KDM6A: variants seen among roughly 807,000 people sequenced by gnomAD.
KDM6A encodes the protein lysine demethylase 6A.
KDM6A carries 11 observed loss-of-function variants against 117.6 expected under a neutral mutation model. The observed-to-expected ratio is 0.09, with a 90% CI of 0.06 to 0.15. The LOEUF is 0.15. KDM6A is among the 10% of genes least tolerant of loss of function. The pLI, the probability that KDM6A is intolerant of heterozygous loss-of-function variation, is 1.00. For synonymous variants in KDM6A, 384 were observed against 396.1 expected (o/e 0.97, Z 0.36); for missense variants, 799 against 1,077.3 (o/e 0.74, Z 3.62).
intron 4 of KDM6A, among the ~76,000 whole-genome samples, chrX:44,998,150 G>C (rs1207350411): frequency 2.7e-5 from 3 of 111,782 alleles, no homozygotes; most frequent in African/African-American, 9.8e-5. Context: ...GAAATGGAGA[G>C]AGAGCCTACA....
chrX:44,883,993 T>C (rs1218808357), intron 2 of KDM6A, among the ~76,000 whole-genome samples: 1 of 106,895 alleles, frequency 9.4e-6, no homozygotes, highest in Non-Finnish European at 1.9e-5. Context: ...TTCCAGCTAC[T>C]TGGGAGGCTG....
At chrX:44,920,599 T>C (rs1488227635) in intron 2 of KDM6A, among the ~76,000 whole-genome samples, 3 of 107,759 alleles carry the variant, frequency 2.8e-5, no homozygotes, top group Non-Finnish European at 3.9e-5. Flanking sequence ...TCACCACGCC[T>C]GGCTAATTTT....
At chrX:44,972,117 G>A (rs2039378119) in intron 3 of KDM6A, among the ~76,000 whole-genome samples, 1 of 111,379 alleles carries the variant, frequency 9.0e-6, no homozygotes, top group Non-Finnish European at 1.9e-5. Flanking sequence ...AAACAACTTG[G>A]TCACTAGTGA....
chrX:45,033,259 T>C (rs909830322), intron 6 of KDM6A, among the ~76,000 whole-genome samples: 3 of 112,240 alleles, frequency 2.7e-5, no homozygotes, highest in Non-Finnish European at 5.6e-5. Flanking sequence ...TTTAAAATAG[T>C]CTGTTCTCTA....
intron 3 of KDM6A, among the ~76,000 whole-genome samples, chrX:44,963,483 G>GTGTGTCTGTCTGTCTGTCTGTC (rs1481840859): frequency 4.9e-5 from 2 of 40,884 alleles, no homozygotes; most frequent in African/African-American, 1.5e-4. Context: ...GTGTGTGTGT[G>GTGTGTCTGTCTGTCTGTCTGTC]TGTCTGTCTG....
intron 27 of KDM6A, among the ~76,000 whole-genome samples, chrX:45,096,334 C>T (rs926798346): frequency 8.9e-6 from 1 of 111,753 alleles, no homozygotes; most frequent in Non-Finnish European, 1.9e-5. Context: ...CTCAGCTCTA[C>T]CCAGTTCTTT....
intron 28 of KDM6A, among the ~76,000 whole-genome samples, chrX:45,107,779 C>T (rs937214365): frequency 2.7e-5 from 3 of 111,678 alleles, no homozygotes; most frequent in African/African-American, 9.8e-5. Flanking sequence ...AGATCTTCAA[C>T]AGACAATAAT....
chrX:45,037,361 CAT>C (rs1250669841), intron 7 of KDM6A, among the ~76,000 whole-genome samples: 1 of 111,982 alleles, frequency 8.9e-6, no homozygotes, highest in Non-Finnish European at 1.9e-5. Context: ...CTTTGTAAAA[CAT>C]ATATTCACTT....
chrX:45,078,258 G>A (rs2045225734), intron 19 of KDM6A, 142 bp from the exon 20 acceptor site: 1 of 552,377 alleles, frequency 1.8e-6, no homozygotes, highest in Non-Finnish European at 2.9e-6. Context: ...AAGTCACAGT[G>A]ATAAGATACT....
intron 2 of KDM6A, among the ~76,000 whole-genome samples, chrX:44,890,642 CTTTTTTTT>C (rs761568154): frequency 8.6e-5 from 3 of 34,765 alleles, no homozygotes; most frequent in African/African-American, 4.0e-4. Flanking sequence ...TGATGTTGAA[CTTTTTTTT>C]TTTTTTTTTT....
intron 2 of KDM6A, among the ~76,000 whole-genome samples, chrX:44,917,734 C>T (rs187212388): frequency 1.7e-4 from 19 of 111,969 alleles, no homozygotes; most frequent in African/African-American, 5.8e-4. Context: ...AGTGGCTTTA[C>T]TAAGATCTCA....
At position 45,031,023 on chromosome X, in the gene KDM6A, G is replaced by A. The variant is rs747241606; in HGVS notation, c.565-3908G>A. On this transcript the variant is annotated intron_variant, in intron 6 of 29. Coordinates refer to ENST00000611820, the MANE Select transcript of KDM6A (RefSeq NM_001291415.2). ...AATTCATAATTTTAGAAATGTGGCA[G>A]TCTGTAACAATGAATAAGAAAAAAA... 7.1e-5 allele frequency among the ~76,000 whole-genome samples: 8 copies of A among 112,302 alleles called. No individual in the cohort carries two copies. In the South Asian group the frequency reaches 2.9e-3, roughly 41 times the overall value.
Position 44,873,595 on chromosome X carries a change from C to T in KDM6A, c.44C>T (p.Ala15Val). The stretch of plus-strand genomic sequence containing the variant: ...TCGCTCGCTACCGCCGCCGCTGCCG[C>T]CGCCGCTTTCGGTGATGAGGAAAAG... ...GVSLATAAAA[A>V]AAFGDEEKKM... is the part of the protein sequence containing the mutation. Residue 15 changes from alanine to valine, a missense_variant, in exon 1 of 30, where the codon GCC (alanine) becomes GTC (valine). By Grantham distance (64) the Ala-to-Val change is moderately conservative. Coordinates refer to ENST00000611820, the MANE Select transcript of KDM6A (RefSeq NM_001291415.2). 1.7e-6 allele frequency: 2 copies of T among 1,206,213 alleles called. No individual in the cohort carries two copies. Among genetic ancestry groups the T allele is most frequent in the East Asian group, 3.0e-5 (1 of 33,630 alleles).
In KDM6A at chrX:45,067,852, A is replaced by G. The variant is rs561681799; in HGVS notation, c.2080-1727A>G. On this transcript the variant is annotated intron_variant, in intron 17 of 29. Coordinates refer to ENST00000611820, the MANE Select transcript of KDM6A (RefSeq NM_001291415.2). ...ATTTTAATAGAGACAGGGCTTCACCATGTTGACCAGGCTGGTCTTGAACTT... is the reference window on the plus strand; with the variant it reads ...ATTTTAATAGAGACAGGGCTTCACCGTGTTGACCAGGCTGGTCTTGAACTT... 2.1e-4 allele frequency among the ~76,000 whole-genome samples: 23 copies of G among 110,110 alleles called. No individual in the cohort carries two copies. The South Asian group carries it at 8.6e-3, about 41-fold the overall frequency.
chrX:45,112,243 T>C lies in KDM6A; in HGVS notation c.*832T>C, dbSNP rs2046787236. The C allele has an allele frequency of 6.7e-6, 1 of 148,896 alleles. No homozygotes were observed. The highest frequency in any genetic ancestry group is 1.3e-5 in the Non-Finnish European group (1 of 76,015). The allele number at this position is 148,896 out of a possible 1,213,427, so 12.3% of individuals were successfully genotyped here. A position where few individuals can be genotyped will look rare whatever the true frequency, so the allele number is the denominator to read the frequency against. ...AGAAACTTTTATTAAAATTGTTTAA[T>C]GTTTAAAGAGTTTTCTATTGTTTGA... On this transcript the variant is annotated 3_prime_UTR_variant, in exon 30 of 30. Transcript: ENST00000611820.
At chrX:45,075,761 T>G (rs2045084260) in intron 18 of KDM6A, among the ~76,000 whole-genome samples, 1 of 111,903 alleles carries the variant, frequency 8.9e-6, no homozygotes, top group South Asian at 3.7e-4. Flanking sequence ...TTATTCTTTG[T>G]GATGAAAATA....
At chrX:44,917,993 C>G (rs2035666315) in intron 2 of KDM6A, among the ~76,000 whole-genome samples, 1 of 111,775 alleles carries the variant, frequency 8.9e-6, no homozygotes, top group African/African-American at 3.2e-5. Flanking sequence ...TAAAGCACAA[C>G]TGGACATATT....
intron 2 of KDM6A, among the ~76,000 whole-genome samples, chrX:44,942,181 C>T (rs1219285954): frequency 7.3e-5 from 8 of 109,671 alleles, no homozygotes; most frequent in South Asian, 4.0e-4. Flanking sequence ...ATTACAGGTG[C>T]GCGCCACCAC....
intron 5 of KDM6A, among the ~76,000 whole-genome samples, chrX:45,019,925 T>C (rs894002814): frequency 4.5e-5 from 5 of 111,578 alleles, no homozygotes. Flanking sequence ...AAAGATACAA[T>C]GTGAATTTGG....
Sources: gnomAD v4.1 joint callset for allele counts (sites outside exome capture counted in the v4.1 genomes callset) on GRCh38, gnomAD v4.1.1 for gene constraint, MANE v1.5 for transcripts, NCBI Gene and HGNC (gene_info 2026-07-23, HGNC 2026-07-21) for gene names.